RALYL: variants seen among roughly 807,000 people sequenced by gnomAD.
The protein encoded by RALYL is RNA-binding Raly-like protein.
RALYL carries 29 observed loss-of-function variants against 35.1 expected under a neutral mutation model. The ratio of observed to expected loss-of-function variants is 0.83; its 90% confidence interval spans 0.61 to 1.13. RALYL has a LOEUF of 1.13. RALYL is among the 50% of genes most tolerant of loss of function. The pLI is 0.00. For missense variants in RALYL, 359 were observed against 360.4 expected (o/e 1.00, Z 0.03); for synonymous variants, 120 against 127.6 (o/e 0.94, Z 0.40).
chr8:84,629,806 C>T (rs1354275641), intron 2 of RALYL, among the ~76,000 whole-genome samples: 3 of 151,884 alleles, frequency 2.0e-5, no homozygotes, highest in Non-Finnish European at 4.4e-5. Context: ...TGTGTGTTTT[C>T]TAATTTTCCT....
In RALYL at chr8:84,774,600, C is replaced by A; in HGVS notation, c.278C>A (p.Pro93His). ...QPLDINMAGE[P>H]KPYRPKPGNK... ...TCAGATATCAACATGGCAGGAGAGC[C>A]CAAACCATACAGACCAAAACCTGGA... Residue 93 changes from proline (P) to histidine (H), a missense_variant, in exon 3 of 9, where the codon CCC (proline) becomes CAC (histidine). Coordinates refer to ENST00000521268, the MANE Select transcript of RALYL (RefSeq NM_173848.7). 1 of 1,607,742 alleles carries A rather than the reference C, an allele frequency of 6.2e-7. No individual in the cohort carries two copies. The highest frequency in any genetic ancestry group is 8.5e-7 in the Non-Finnish European group (1 of 1,176,590).
intron 2 of RALYL, among the ~76,000 whole-genome samples, chr8:84,592,316 G>T (rs184063049): frequency 2.0e-5 from 3 of 152,072 alleles, no homozygotes; most frequent in Non-Finnish European, 2.9e-5. Context: ...AAGTTTTAAA[G>T]ATAATAAGTT....
At chr8:84,323,593 C>G (rs1006255497) in intron 1 of RALYL, among the ~76,000 whole-genome samples, 14 of 152,036 alleles carry the variant, frequency 9.2e-5, no homozygotes, top group African/African-American at 3.4e-4. Context: ...TTATTCTGTG[C>G]ATTTCAATGC....
chr8:84,337,934 G>T (rs577086682), intron 1 of RALYL, among the ~76,000 whole-genome samples: 1 of 152,114 alleles, frequency 6.6e-6, no homozygotes, highest in South Asian at 2.1e-4. Flanking sequence ...AAAATTCCCA[G>T]AATCATTCTG....
intron 2 of RALYL, among the ~76,000 whole-genome samples, chr8:84,551,269 C>T (rs1016269615): frequency 4.6e-5 from 7 of 151,992 alleles, no homozygotes; most frequent in African/African-American, 1.7e-4. Flanking sequence ...AACAACATAA[C>T]TTTTCACTGT....
intron 2 of RALYL, among the ~76,000 whole-genome samples, chr8:84,724,063 A>G (rs1844495936): frequency 6.6e-6 from 1 of 151,802 alleles, no homozygotes; most frequent in African/African-American, 2.4e-5. Flanking sequence ...GAATTCAGTA[A>G]TATTGTTGAG....
chr8:84,796,690 AG>A (rs1371380030), intron 3 of RALYL, among the ~76,000 whole-genome samples: 7 of 152,250 alleles, frequency 4.6e-5, no homozygotes, highest in African/African-American at 1.7e-4. Flanking sequence ...GATTACAAAT[AG>A]TTAAGGATGA....
At chr8:84,218,278 A>G (rs1381076296) in intron 1 of RALYL, among the ~76,000 whole-genome samples, 1 of 152,088 alleles carries the variant, frequency 6.6e-6, no homozygotes, top group African/African-American at 2.4e-5. Context: ...CAGAGAAACT[A>G]TCAGGGCCAG....
intron 1 of RALYL, among the ~76,000 whole-genome samples, chr8:84,486,959 G>C (rs2054698761): frequency 1.3e-5 from 2 of 151,900 alleles, no homozygotes; most frequent in South Asian, 4.1e-4. Flanking sequence ...TACGCCCAAG[G>C]GGGAGTTGCT....
At chr8:84,808,018 T>A (rs1170094029) in intron 4 of RALYL, among the ~76,000 whole-genome samples, 1 of 152,230 alleles carries the variant, frequency 6.6e-6, no homozygotes, top group African/African-American at 2.4e-5. Context: ...TTTAATTAAG[T>A]CTCAACTATT....
chr8:84,845,765 T>C (rs919162937), intron 4 of RALYL, among the ~76,000 whole-genome samples: 9 of 152,212 alleles, frequency 5.9e-5, no homozygotes, highest in African/African-American at 2.2e-4. Context: ...TTCTAAGATT[T>C]TCATATTTTG....
At chr8:84,279,069 C>T (rs1835994707) in intron 1 of RALYL, among the ~76,000 whole-genome samples, 1 of 152,126 alleles carries the variant, frequency 6.6e-6, no homozygotes, top group Admixed American at 6.5e-5. Flanking sequence ...TCCCACATGG[C>T]TGGGGATGGT....
chr8:84,443,292 T>C (rs1306763721), intron 1 of RALYL, among the ~76,000 whole-genome samples: 1 of 152,098 alleles, frequency 6.6e-6, no homozygotes, highest in African/African-American at 2.4e-5. Context: ...TCAAAGAGTA[T>C]TACCTCTGTA....
At chr8:84,500,470 A>G (rs142383037) in intron 1 of RALYL, among the ~76,000 whole-genome samples, 4 of 152,256 alleles carry the variant, frequency 2.6e-5, no homozygotes, top group Middle Eastern at 3.4e-3. Context: ...TTTGTTATCA[A>G]TGTCCTAGTA....
intron 1 of RALYL, among the ~76,000 whole-genome samples, chr8:84,313,093 A>G (rs1202933457): frequency 6.6e-6 from 1 of 152,166 alleles, no homozygotes; most frequent in African/African-American, 2.4e-5. Context: ...CATGGAAACC[A>G]CCAAGGCTTT....
chr8:84,370,016 C>G (rs763128367), intron 1 of RALYL, among the ~76,000 whole-genome samples: 2 of 151,912 alleles, frequency 1.3e-5, no homozygotes, highest in Non-Finnish European at 2.9e-5. Flanking sequence ...CATCTTAATT[C>G]CATCAATTTC....
At chr8:84,532,570 T>G (rs1588027082) in intron 2 of RALYL, among the ~76,000 whole-genome samples, 1 of 152,194 alleles carries the variant, frequency 6.6e-6, no homozygotes, top group Admixed American at 6.5e-5. Flanking sequence ...TAGTGTCAGG[T>G]ACCACGACCT....
chr8:84,811,778 A>G (rs1449785762), intron 4 of RALYL, among the ~76,000 whole-genome samples: 1 of 152,012 alleles, frequency 6.6e-6, no homozygotes, highest in African/African-American at 2.4e-5. Flanking sequence ...TGAACTTCAA[A>G]TTTCTTTCTT....
intron 4 of RALYL, among the ~76,000 whole-genome samples, chr8:84,848,442 T>TATAC: frequency 6.6e-6 from 1 of 151,526 alleles, no homozygotes; most frequent in Middle Eastern, 3.5e-3. Context: ...TGTGTGTATA[T>TATAC]ATATATATAT....
Sources: allele counts gnomAD v4.1 joint callset (sites outside exome capture counted in the v4.1 genomes callset), GRCh38; gene constraint gnomAD v4.1.1; transcripts MANE v1.5; gene names NCBI Gene and HGNC (gene_info 2026-07-23, HGNC 2026-07-21).